SPMIP4: variants seen among roughly 807,000 people sequenced by gnomAD.
The protein encoded by SPMIP4 is sperm microtubule inner protein 4, also known as sperm-associated microtubule inner protein 4.
chr7:25,166,113 G>A, the SPMIP4 span, among the ~76,000 whole-genome samples: 2 of 152,164 alleles, frequency 1.3e-5, no homozygotes, highest in Admixed American at 6.5e-5. Flanking sequence ...CTTCCCTGAT[G>A]AGGCCAGTCC....
chr7:25,157,983 T>C, the SPMIP4 span, among the ~76,000 whole-genome samples: 1 of 152,110 alleles, frequency 6.6e-6, no homozygotes, highest in Non-Finnish European at 1.5e-5. Context: ...AATAAAACAT[T>C]TACTAAAAAA....
At chr7:25,154,592 A>G in the SPMIP4 span, among the ~76,000 whole-genome samples, 2 of 152,294 alleles carry the variant, frequency 1.3e-5, no homozygotes, top group East Asian at 1.9e-4. Flanking sequence ...GGATCTTTCA[A>G]TTCTATCACT....
At chr7:25,134,107 A>C in the SPMIP4 span, among the ~76,000 whole-genome samples, 1 of 152,138 alleles carries the variant, frequency 6.6e-6, no homozygotes, top group African/African-American at 2.4e-5. Context: ...AAAAATACAA[A>C]AACTTAGCCG....
chr7:25,173,410 A>C, the SPMIP4 span, among the ~76,000 whole-genome samples: 509 of 152,380 alleles, frequency 3.3e-3, 6 homozygotes, highest in African/African-American at 0.012. The surrounding 1 kb of genome is among the most constrained non-coding windows in gnomAD (Gnocchi z 4.4). Context: ...TTTATGGACT[A>C]TATACATACG....
At chr7:25,137,585 C>T in the SPMIP4 span, among the ~76,000 whole-genome samples, 52 of 152,058 alleles carry the variant, frequency 3.4e-4, no homozygotes, top group African/African-American at 1.2e-3. Flanking sequence ...CCTGCCTCTT[C>T]CCAAGATTCT....
At chr7:25,159,627 A>C in the SPMIP4 span, among the ~76,000 whole-genome samples, 3 of 152,230 alleles carry the variant, frequency 2.0e-5, no homozygotes, top group Non-Finnish European at 4.4e-5. Flanking sequence ...GATACTCCCT[A>C]GAAAGTGGCA....
At chr7:25,168,603 G>C in the SPMIP4 span, 1 of 692,466 alleles carries the variant, frequency 1.4e-6, no homozygotes. Context: ...CTCAGTGTCA[G>C]GTAGATTATG....
chr7:25,174,512 T>C, the SPMIP4 span, among the ~76,000 whole-genome samples: 1 of 152,184 alleles, frequency 6.6e-6, no homozygotes, highest in African/African-American at 2.4e-5. The surrounding 1 kb of genome is among the most constrained non-coding windows in gnomAD (Gnocchi z 4.5). Context: ...CAGTAACTAC[T>C]AGGAGGCGTG....
chr7:25,125,772 C>T, the SPMIP4 span: 4 of 298,078 alleles, frequency 1.3e-5, no homozygotes, highest in Non-Finnish European at 2.0e-5. Context: ...CAGACTCTGT[C>T]CTACTACCAC....
At chr7:25,159,540 A>T in the SPMIP4 span, among the ~76,000 whole-genome samples, 1 of 152,236 alleles carries the variant, frequency 6.6e-6, no homozygotes, top group Non-Finnish European at 1.5e-5. Context: ...AATGAACAGA[A>T]TGTTATCAAT....
chr7:25,168,234 G>T, the SPMIP4 span: 1 of 1,502,282 alleles, frequency 6.7e-7, no homozygotes, highest in Non-Finnish European at 9.0e-7. Flanking sequence ...CACAATGGAA[G>T]TAAAGAAAAA....
chr7:25,155,455 T>C, the SPMIP4 span, among the ~76,000 whole-genome samples: 3 of 152,186 alleles, frequency 2.0e-5, no homozygotes, highest in African/African-American at 7.2e-5. Context: ...CAATTCTTTG[T>C]CAGTGAGTAA....
At chr7:25,142,891 A>G in the SPMIP4 span, 14 of 1,128,324 alleles carry the variant, frequency 1.2e-5, no homozygotes, top group East Asian at 3.9e-4. Context: ...CTCAGCAGGA[A>G]AGAGGCAAAG....
At chr7:25,145,135 G>C in the SPMIP4 span, among the ~76,000 whole-genome samples, 1 of 152,040 alleles carries the variant, frequency 6.6e-6, no homozygotes, top group East Asian at 1.9e-4. Context: ...GCTAATTTTT[G>C]TACTTTTAGT....
the SPMIP4 span, among the ~76,000 whole-genome samples, chr7:25,149,477 G>A: frequency 6.6e-6 from 1 of 152,128 alleles, no homozygotes; most frequent in East Asian, 1.9e-4. Context: ...TGAGCCAGAA[G>A]AAAATGTGAA....
the SPMIP4 span, chr7:25,158,518 C>A: frequency 6.8e-6 from 11 of 1,609,524 alleles, no homozygotes; most frequent in Non-Finnish European, 9.3e-6. Flanking sequence ...TTGAATTAGG[C>A]GGCTTGGGTA....
At chr7:25,158,611 T>C in the SPMIP4 span, 2 of 1,147,626 alleles carry the variant, frequency 1.7e-6, no homozygotes, top group African/African-American at 1.6e-5. Context: ...ACTTGATTAA[T>C]GATATAGGCT....
chr7:25,150,467 C>T, the SPMIP4 span, among the ~76,000 whole-genome samples: 1 of 152,130 alleles, frequency 6.6e-6, no homozygotes, highest in Admixed American at 6.5e-5. Flanking sequence ...TGGCGATGAC[C>T]ACATGCTGGG....
chr7:25,130,256 A>C, the SPMIP4 span, among the ~76,000 whole-genome samples: 2 of 150,228 alleles, frequency 1.3e-5, no homozygotes, highest in East Asian at 3.9e-4. Context: ...AAAAAAACAA[A>C]AAAGAAAGAA....
Sources: gnomAD v4.1 joint callset for allele counts (sites outside exome capture counted in the v4.1 genomes callset) on GRCh38, gnomAD v4.1.1 for gene constraint, Gnocchi (gnomAD v3.1) non-coding constraint, MANE v1.5 for transcripts, NCBI Gene and HGNC (gene_info 2026-07-23, HGNC 2026-07-21) for gene names.